NSMCE2: variants seen among roughly 807,000 people sequenced by gnomAD.
The protein encoded by NSMCE2 is E3 SUMO-protein ligase NSE2.
Under a neutral mutation model 23.8 loss-of-function variants are expected in NSMCE2, and 24 were observed. That is an observed-to-expected ratio of 1.01 (90% CI 0.73 to 1.42). The LOEUF (loss-of-function observed/expected upper bound fraction) is 1.42. Among genes scored for constraint, NSMCE2 ranks in the 40% most tolerant of loss-of-function variants. NSMCE2 has a pLI of 0.00. For missense variants in NSMCE2, 284 were observed against 296.5 expected (o/e 0.96, Z 0.31); for synonymous variants, 92 against 94.1 (o/e 0.98, Z 0.13).
At chr8:125,201,091 A>G (rs1417037280) in intron 5 of NSMCE2, among the ~76,000 whole-genome samples, 1 of 152,034 alleles carries the variant, frequency 6.6e-6, no homozygotes, top group East Asian at 1.9e-4. Context: ...CAAGTTTTTT[A>G]GCTTCCTTGT....
At chr8:125,220,970 T>C (rs1368237112) in intron 5 of NSMCE2, among the ~76,000 whole-genome samples, 1 of 152,140 alleles carries the variant, frequency 6.6e-6, no homozygotes, top group Admixed American at 6.6e-5. Context: ...GCTAAAAATA[T>C]CTCGAAGGTA....
At chr8:125,352,713 A>ATATT in intron 5 of NSMCE2, among the ~76,000 whole-genome samples, 1 of 152,298 alleles carries the variant, frequency 6.6e-6, no homozygotes, top group East Asian at 1.9e-4. Context: ...TAGATGATCA[A>ATATT]TATTTTCTCT....
chr8:125,355,695 A>G (rs1461297393), intron 5 of NSMCE2, among the ~76,000 whole-genome samples: 1 of 124,190 alleles, frequency 8.1e-6, no homozygotes, highest in Non-Finnish European at 1.6e-5. Flanking sequence ...GCGAGACTCC[A>G]TCTCAAAAAA....
At chr8:125,094,617 G>A (rs1817840384) in intron 1 of NSMCE2, 9 of 152,216 alleles carry the variant, frequency 5.9e-5, no homozygotes, top group Admixed American at 5.9e-4. Flanking sequence ...AATCTTCATA[G>A]ATACTGTGTC....
chr8:125,329,783 G>T (rs1044062138), intron 5 of NSMCE2, among the ~76,000 whole-genome samples: 1 of 152,144 alleles, frequency 6.6e-6, no homozygotes, highest in Non-Finnish European at 1.5e-5. Context: ...GATAATATTT[G>T]CAACCTGCCT....
chr8:125,355,814 A>C (rs796368022), intron 5 of NSMCE2, among the ~76,000 whole-genome samples: 11 of 152,138 alleles, frequency 7.2e-5, no homozygotes, highest in African/African-American at 2.7e-4. Flanking sequence ...ATCCCATTCA[A>C]ATGTTGTCTA....
intron 5 of NSMCE2, among the ~76,000 whole-genome samples, chr8:125,219,320 A>G (rs1259747832): frequency 6.6e-6 from 1 of 152,206 alleles, no homozygotes; most frequent in Non-Finnish European, 1.5e-5. Context: ...CATATATACC[A>G]TAAACACTGT....
chr8:125,132,459 A>G (rs1819822071), intron 3 of NSMCE2, among the ~76,000 whole-genome samples: 1 of 151,612 alleles, frequency 6.6e-6, no homozygotes, highest in African/African-American at 2.4e-5. Context: ...AAGGAGAGGC[A>G]TGTATCTTAA....
At chr8:125,092,983 A>G (rs1586405825) in intron 1 of NSMCE2, among the ~76,000 whole-genome samples, 2 of 152,206 alleles carry the variant, frequency 1.3e-5, no homozygotes, top group Non-Finnish European at 2.9e-5. Flanking sequence ...CACAAAGTCT[A>G]CAGATACTGC....
intron 4 of NSMCE2, among the ~76,000 whole-genome samples, chr8:125,162,415 A>G (rs942254030): frequency 5.9e-5 from 9 of 152,202 alleles, no homozygotes; most frequent in African/African-American, 4.8e-5. Flanking sequence ...TTTTGGCTTT[A>G]TAATGTAAAG....
At chr8:125,226,172 T>C (rs1825083324) in intron 5 of NSMCE2, among the ~76,000 whole-genome samples, 1 of 152,222 alleles carries the variant, frequency 6.6e-6, no homozygotes, top group Admixed American at 6.5e-5. Flanking sequence ...ACCAAGATGA[T>C]GAATTATGGA....
At chr8:125,299,814 T>C in intron 5 of NSMCE2, among the ~76,000 whole-genome samples, 1 of 114,456 alleles carries the variant, frequency 8.7e-6, no homozygotes, top group African/African-American at 3.2e-5. Flanking sequence ...CTTTTTTTTT[T>C]TTTTTTTTTT....
chr8:125,157,096 C>T (rs1447757831), intron 4 of NSMCE2, among the ~76,000 whole-genome samples: 1 of 152,174 alleles, frequency 6.6e-6, no homozygotes. Context: ...ATACCCCACT[C>T]TATTAGGCAT....
intron 3 of NSMCE2, among the ~76,000 whole-genome samples, chr8:125,143,243 A>G (rs1820480432): frequency 6.6e-6 from 1 of 152,150 alleles, no homozygotes; most frequent in South Asian, 2.1e-4. Flanking sequence ...GGTATGCTTG[A>G]TACTGTGATT....
chr8:125,094,996 C>A (rs1335619063), intron 1 of NSMCE2, among the ~76,000 whole-genome samples: 1 of 152,160 alleles, frequency 6.6e-6, no homozygotes, highest in Non-Finnish European at 1.5e-5. Flanking sequence ...GGGCTGCAGG[C>A]CCGCACCACC....
intron 7 of NSMCE2, 68 bp downstream of exon 7, chr8:125,357,886 G>A (rs565470406): frequency 2.3e-5 from 25 of 1,076,320 alleles, no homozygotes; most frequent in Non-Finnish European, 2.9e-5. Flanking sequence ...GCGTGTTCAC[G>A]CTAGAGGAAG....
At chr8:125,316,914 C>T (rs1288126541) in intron 5 of NSMCE2, among the ~76,000 whole-genome samples, 5 of 151,770 alleles carry the variant, frequency 3.3e-5, no homozygotes, top group Admixed American at 6.6e-5. Flanking sequence ...GAGTAGCTGG[C>T]ACTATAGGCG....
At chr8:125,110,337 T>A (rs1818668283) in intron 3 of NSMCE2, among the ~76,000 whole-genome samples, 1 of 152,238 alleles carries the variant, frequency 6.6e-6, no homozygotes, top group Admixed American at 6.5e-5. Flanking sequence ...TATATATTGC[T>A]TTTCTTTCTG....
chr8:125,325,075 A>G (rs144409634), intron 5 of NSMCE2, among the ~76,000 whole-genome samples: 3 of 152,286 alleles, frequency 2.0e-5, no homozygotes, highest in African/African-American at 7.2e-5. Context: ...ATCAAATTAT[A>G]TACTTTATAT....
Sources: gnomAD v4.1 joint callset for allele counts (sites outside exome capture counted in the v4.1 genomes callset) on GRCh38, gnomAD v4.1.1 for gene constraint, MANE v1.5 for transcripts, NCBI Gene and HGNC (gene_info 2026-07-23, HGNC 2026-07-21) for gene names.